CNDP2: variants seen among roughly 807,000 people sequenced by gnomAD.
CNDP2 encodes the protein cytosolic non-specific dipeptidase.
CNDP2 carries 38 observed loss-of-function variants against 55.0 expected under a neutral mutation model. The ratio of observed to expected loss-of-function variants is 0.69; its 90% confidence interval spans 0.53 to 0.90. CNDP2 has a LOEUF of 0.90. CNDP2 is among the 40% of genes least tolerant of loss of function. The probability of loss-of-function intolerance (pLI) is 0.00; values close to 1 mark genes in which losing one functional copy is unlikely to be tolerated. For synonymous variants in CNDP2, 241 were observed against 260.2 expected, an observed-to-expected ratio of 0.93 and a Z score of 0.71; for missense variants, 607 against 621.7, an observed-to-expected ratio of 0.98 and a Z score of 0.25.
chr18:74,509,119 A>G, intron 5 of CNDP2, 191 bp downstream of exon 5: 1 of 560,248 alleles, frequency 1.8e-6, no homozygotes, highest in South Asian at 2.4e-5. Context: ...GGAAACATTC[A>G]AAGTGTAATT....
In CNDP2 at chr18:74,516,240, A is replaced by G; in HGVS notation, c.916A>G (p.Met306Val). The G allele has an allele frequency of 2.5e-6, 4 of 1,612,890 alleles. No individual in the cohort carries two copies. The highest frequency in any genetic ancestry group is 1.7e-5 in the Admixed American group (1 of 59,926). ...GATTTTTCTGCAGAAAGACATCCTCATGCACCGATGGCGGTACCCGTCTCT... is the reference window on the plus strand; with the variant it reads ...GATTTTTCTGCAGAAAGACATCCTCGTGCACCGATGGCGGTACCCGTCTCT... The part of the protein sequence containing the change: ...LLHSHKKDIL[M>V]HRWRYPSLSL... Residue 306 changes from methionine (M) to valine (V), a missense_variant, in exon 9 of 12, where the codon ATG becomes GTG. Coordinates refer to ENST00000324262, the MANE Select transcript of CNDP2 (RefSeq NM_018235.3).
chr18:74,508,917 A>T lies in CNDP2; in HGVS notation c.445A>T (p.Lys149Ter), dbSNP rs755698674. 1 of 1,614,060 alleles carries T rather than the reference A, an allele frequency of 6.2e-7. No individual in the cohort carries two copies. The highest frequency in any genetic ancestry group is 1.7e-5 in the Admixed American group (1 of 60,018). Residue 149 changes from lysine (K) to a stop codon, truncating the protein, a stop_gained, in exon 5 of 12, where the codon AAA becomes TAA. Coordinates refer to ENST00000324262, the MANE Select transcript of CNDP2 (RefSeq NM_018235.3). LOFTEE classifies it high-confidence loss of function. ...GATAAACGCCCTGGAAGCGTATCAGAAAACAGGCCAGGTATGCCCCCCACG... is the reference window on the plus strand; with the variant it reads ...GATAAACGCCCTGGAAGCGTATCAGTAAACAGGCCAGGTATGCCCCCCACG... ...GWINALEAYQKTGQEIPVNVR... is the reference protein window; with the variant it reads ...GWINALEAYQ
At chr18:74,511,172 C>G in intron 6 of CNDP2, 159 bp downstream of exon 6, 2 of 625,902 alleles carry the variant, frequency 3.2e-6, no homozygotes, top group Non-Finnish European at 2.8e-6. Context: ...AACCACCGTC[C>G]TACACCAGGG....
chr18:74,520,118 C>T lies in CNDP2; in HGVS notation c.*50C>T, dbSNP rs779678910. 8 of 1,583,092 alleles carry T rather than the reference C, an allele frequency of 5.1e-6. No homozygotes were observed. In the South Asian group the frequency reaches 8.9e-5, roughly 18 times the overall value. On this transcript the variant is annotated 3_prime_UTR_variant, in exon 12 of 12. Transcript: ENST00000324262. ...CAATGAGAAGGAATCCTGCCCTCAC[C>T]TCACCCTTTTCCAACTTGCCCAGGG...
intron 9 of CNDP2, 102 bp from the exon 10 acceptor site, chr18:74,518,396 TA>T: frequency 7.2e-7 from 1 of 1,383,754 alleles, no homozygotes. Flanking sequence ...AGGCCGATTG[TA>T]AGCTCGCTGT....
chr18:74,499,364 C>T (rs559531852), intron 1 of CNDP2: 1 of 152,666 alleles, frequency 6.6e-6, no homozygotes, highest in Non-Finnish European at 1.5e-5. Context: ...GCCTGTGTGG[C>T]CTCTTGGTCA....
chr18:74,501,643 G>A (rs561510046), intron 3 of CNDP2, among the ~76,000 whole-genome samples, 171 bp downstream of exon 3: 1 of 152,166 alleles, frequency 6.6e-6, no homozygotes, highest in East Asian at 1.9e-4. Flanking sequence ...GACTGCTTCA[G>A]TTGGATTGGG....
At chr18:74,517,371 G>GA (rs1979739338) in intron 9 of CNDP2, 2 of 152,214 alleles carry the variant, frequency 1.3e-5, no homozygotes, top group Non-Finnish European at 2.9e-5. Flanking sequence ...GAGCGGCTCA[G>GA]CCCGCAGCTC....
At chr18:74,519,973 C>T in intron 11 of CNDP2, 26 bp from the exon 12 acceptor site, 1 of 1,610,664 alleles carries the variant, frequency 6.2e-7, no homozygotes, top group Non-Finnish European at 8.5e-7. Context: ...CACCAGCCAA[C>T]ACAATGATGT....
intron 3 of CNDP2, among the ~76,000 whole-genome samples, chr18:74,504,031 T>C (rs1820431): frequency 0.11 from 1,881 of 16,806 alleles, no homozygotes; most frequent in Admixed American, 0.12. Context: ...GCCACACTGC[T>C]GCTGGGACAA....
intron 6 of CNDP2, among the ~76,000 whole-genome samples, chr18:74,511,483 G>A (rs190128563): frequency 6.6e-6 from 1 of 152,218 alleles, no homozygotes; most frequent in East Asian, 1.9e-4. Context: ...GAGCCAGATG[G>A]ATCACTTGAG....
At chr18:74,501,198 C>T in intron 2 of CNDP2, 131 bp from the exon 3 acceptor site, 1 of 1,454,344 alleles carries the variant, frequency 6.9e-7, no homozygotes. Flanking sequence ...TGGGTCTGTC[C>T]TATTTCCAAT....
At chr18:74,499,065 AGGCGTTTGTCT>A (rs1978549922) in intron 1 of CNDP2, among the ~76,000 whole-genome samples, 1 of 152,218 alleles carries the variant, frequency 6.6e-6, no homozygotes, top group African/African-American at 2.4e-5. Context: ...GTCAATGCAC[AGGCGTTTGTCT>A]GGCATGTAGA....
In CNDP2 at chr18:74,501,331, A is replaced by G. The variant is rs2144573139; in HGVS notation, c.63A>G (p.Lys21=). ...IDENQDRYIK[K]LAKWVAIQSV... ...CGTTGCTTCTTGTCCACAAACAGAA[A>G]CTCGCAAAATGGGTGGCTATCCAGA... Residue 21 remains lysine (K), a splice_region_variant and synonymous_variant, in exon 3 of 12, where the codon AAA becomes AAG. Transcript: ENST00000324262. The G allele has an allele frequency of 1.2e-6, 2 of 1,612,226 alleles. No individual in the cohort carries two copies. Among genetic ancestry groups the G allele is most frequent in the Non-Finnish European group, 1.7e-6 (2 of 1,179,218 alleles).
In CNDP2 at chr18:74,505,987, C is replaced by T; in HGVS notation, c.343C>T (p.Pro115Ser). Residue 115 changes from proline (P) to serine (S), a missense_variant, in exon 4 of 12, where the codon CCC becomes TCC. Transcript: ENST00000324262. ...AALEDGWDSE[P>S]FTLVERDGKL... The stretch of plus-strand genomic sequence containing the variant: ...CCTGGAGGACGGCTGGGACAGCGAG[C>T]CCTTCACCCTGGTGGAGCGAGACGG... The T allele has an allele frequency of 6.3e-7, 1 of 1,598,946 alleles. No individual in the cohort carries two copies. The highest frequency in any genetic ancestry group is 8.5e-7 in the Non-Finnish European group (1 of 1,175,194).
chr18:74,522,200 TA>T lies in CNDP2; in HGVS notation c.*2137del, dbSNP rs1191419580. 3 of 152,050 alleles carry T rather than the reference TA, an allele frequency of 2.0e-5. No homozygotes were observed. Among genetic ancestry groups the T allele is most frequent in the African/African-American group, 7.2e-5 (3 of 41,416 alleles). The allele number at this position is 152,050 out of a possible 1,614,324, so 9.4% of individuals were successfully genotyped here. A position where few individuals can be genotyped will look rare whatever the true frequency, so the allele number is the denominator to read the frequency against. On this transcript the variant is annotated 3_prime_UTR_variant, in exon 12 of 12. Transcript: ENST00000324262. Reference sequence around the variant, plus strand: ...CTCTAAGTCTCCTGTCATTTCAAAGTAAAAACAAAAAAAGAAGACAAGGGTA... The same window carrying T: ...CTCTAAGTCTCCTGTCATTTCAAAGTAAAACAAAAAAAGAAGACAAGGGTA...
chr18:74,499,638 T>A, intron 1 of CNDP2: 1 of 295,792 alleles, frequency 3.4e-6, no homozygotes. Context: ...CTACTTTTAG[T>A]TTTCACTGTA....
chr18:74,508,168 C>T (rs78635118), intron 4 of CNDP2: 3,231 of 152,404 alleles, frequency 0.021, 56 homozygotes, highest in Non-Finnish European at 0.033. Context: ...TCCATGAGGC[C>T]GGGACTGCGT....
intron 3 of CNDP2, chr18:74,505,157 A>G (rs1978938769): frequency 6.6e-6 from 1 of 152,350 alleles, no homozygotes; most frequent in East Asian, 1.9e-4. Flanking sequence ...ATTGTAATCA[A>G]TGTACAGAAT....
Sources: allele counts gnomAD v4.1 joint callset (sites outside exome capture counted in the v4.1 genomes callset), GRCh38; gene constraint gnomAD v4.1.1; transcripts MANE v1.5; gene names NCBI Gene and HGNC (gene_info 2026-07-23, HGNC 2026-07-21).